ATF2: variants seen among roughly 807,000 people sequenced by gnomAD.
ATF2 encodes the protein activating transcription factor 2, also known as cyclic AMP-dependent transcription factor ATF-2.
Under a neutral mutation model 60.6 loss-of-function variants are expected in ATF2, and 24 were observed. The ratio of observed to expected loss-of-function variants is 0.40; its 90% CI spans 0.29 to 0.56. The LOEUF is 0.56. Ranked by LOEUF, ATF2 falls within the 20% of genes least tolerant of loss-of-function variation. The pLI is 0.54. For synonymous variants in ATF2, 206 were observed against 215.4 expected (o/e 0.96, Z 0.38); for missense variants, 433 against 607.7 (o/e 0.71, Z 3.02).
chr2:175,102,955 ACT>A (rs1210604447), intron 10 of ATF2, among the ~76,000 whole-genome samples: 1 of 151,834 alleles, frequency 6.6e-6, no homozygotes, highest in African/African-American at 2.4e-5. Context: ...TATACTGAAA[ACT>A]CTTTTTCTTA....
chr2:175,139,954 C>T (rs890925715), intron 2 of ATF2, among the ~76,000 whole-genome samples: 2 of 151,946 alleles, frequency 1.3e-5, no homozygotes, highest in Admixed American at 6.6e-5. Context: ...AAGCAAAATG[C>T]CCAAAAAGTT....
At chr2:175,146,301 T>C (rs1353800518) in intron 2 of ATF2, among the ~76,000 whole-genome samples, 1 of 152,146 alleles carries the variant, frequency 6.6e-6, no homozygotes, top group Non-Finnish European at 1.5e-5. Context: ...AACAAATAAT[T>C]GCAACCTGAG....
At chr2:175,081,754 GT>G (rs1693772471) in intron 12 of ATF2, among the ~76,000 whole-genome samples, 2 of 152,190 alleles carry the variant, frequency 1.3e-5, no homozygotes, top group African/African-American at 2.4e-5. Flanking sequence ...AAAGCTGAAT[GT>G]AAAATAATTT....
chr2:175,129,936 T>C (rs1697611373), intron 4 of ATF2, among the ~76,000 whole-genome samples: 1 of 151,990 alleles, frequency 6.6e-6, no homozygotes, highest in South Asian at 2.1e-4. Flanking sequence ...CCCTCCGTAT[T>C]GGATTATACT....
At chr2:175,114,666 C>T (rs1696427647) in intron 8 of ATF2, 24 bp downstream of exon 8, 42 of 1,601,040 alleles carry the variant, frequency 2.6e-5, no homozygotes, top group Non-Finnish European at 3.4e-5. Flanking sequence ...TGTATATGTT[C>T]AATGATTGGC....
intron 13 of ATF2, among the ~76,000 whole-genome samples, chr2:175,075,462 T>G (rs902230551): frequency 6.6e-6 from 1 of 152,128 alleles, no homozygotes; most frequent in African/African-American, 2.4e-5. Flanking sequence ...TAAAAATCCA[T>G]ATAAAACTCT....
chr2:175,163,168 T>TA (rs1403510531), intron 1 of ATF2, among the ~76,000 whole-genome samples: 3 of 26,672 alleles, frequency 1.1e-4, no homozygotes, highest in South Asian at 1.2e-3. Flanking sequence ...AATAAATAAA[T>TA]AAATAAATAA....
At chr2:175,086,108 A>G (rs1470831896) in intron 12 of ATF2, among the ~76,000 whole-genome samples, 1 of 152,200 alleles carries the variant, frequency 6.6e-6, no homozygotes, top group Admixed American at 6.5e-5. Flanking sequence ...AGGTCTGCAC[A>G]ATACAAATTC....
At chr2:175,159,501 A>C (rs972168842) in intron 1 of ATF2, among the ~76,000 whole-genome samples, 2 of 152,158 alleles carry the variant, frequency 1.3e-5, no homozygotes, top group African/African-American at 4.8e-5. Context: ...CTCACAGCAG[A>C]CATGAGAGAG....
chr2:175,152,687 A>G (rs969037367), intron 1 of ATF2, among the ~76,000 whole-genome samples: 1 of 152,210 alleles, frequency 6.6e-6, no homozygotes, highest in Non-Finnish European at 1.5e-5. Context: ...TAAATATTTA[A>G]TATGTTTAAA....
intron 10 of ATF2, among the ~76,000 whole-genome samples, chr2:175,108,349 G>T (rs1411584377): frequency 6.6e-6 from 1 of 151,190 alleles, no homozygotes; most frequent in South Asian, 2.1e-4. Flanking sequence ...CCGGCCAGCC[G>T]CCTCGTCCGG....
intron 12 of ATF2, among the ~76,000 whole-genome samples, chr2:175,090,461 T>C (rs62184462): frequency 0.038 from 5,830 of 152,198 alleles, 131 homozygotes; most frequent in Admixed American, 0.094. Context: ...ATATATATTA[T>C]AGATATTTTC....
rs191280822 is a variant in ATF2 at position 175,160,793 on chromosome 2, C to G, written c.-143+7257G>C. ...GGTGGGGAGCAGCCTGTAATCCCAG[C>G]ACTTTGTGATACTGAGGTGGGAGGA... is the stretch of plus-strand genomic sequence containing the variant. On this transcript the variant is annotated intron_variant, in intron 1 of 13. Transcript: ENST00000264110. 5.3e-4 allele frequency among the ~76,000 whole-genome samples: 81 copies of G among 152,148 alleles called. 1 individual carries two copies. Among genetic ancestry groups the G allele is most frequent in the Non-Finnish European group, 1.0e-3 (69 of 68,008 alleles).
chr2:175,135,831 C>A (rs1051112576), intron 3 of ATF2, among the ~76,000 whole-genome samples: 4 of 152,094 alleles, frequency 2.6e-5, no homozygotes, highest in African/African-American at 9.7e-5. Context: ...TTCTATATAG[C>A]AAATATATTT....
At chr2:175,143,501 T>C (rs1698740220) in intron 2 of ATF2, among the ~76,000 whole-genome samples, 1 of 152,160 alleles carries the variant, frequency 6.6e-6, no homozygotes, top group Admixed American at 6.5e-5. Flanking sequence ...TTCCACAAGA[T>C]GAACTTCTAG....
chr2:175,136,418 G>T lies in ATF2; in HGVS notation c.26C>A (p.Ser9Tyr). The change falls in exon 3 of 14, where the codon TCT becomes TAT. Residue 9 changes from serine to tyrosine, a missense_variant. Physicochemically the swap from Ser to Tyr is moderately radical, Grantham distance 144. This residue lies in a region of ATF2 where 20 missense variants were observed against 16.9 expected (regional missense o/e 1.19). Coordinates refer to ENST00000264110, the MANE Select transcript of ATF2 (RefSeq NM_001880.4). ...CCAAATATTGCACACATACCTGGCA[G>T]AATTCACATGTAACTTGAATTTCAT... MKFKLHVNSARQYKDLWNM... is the reference protein window; with the variant it reads MKFKLHVNYARQYKDLWNM... 1 of 1,610,080 alleles carries T rather than the reference G, an allele frequency of 6.2e-7. No homozygotes were observed. Among genetic ancestry groups the T allele is most frequent in the Non-Finnish European group, 8.5e-7 (1 of 1,178,278 alleles).
chr2:175,092,517 C>T, intron 12 of ATF2: 1 of 343,930 alleles, frequency 2.9e-6, no homozygotes, highest in Non-Finnish European at 5.8e-6. Context: ...ATGAAATGAT[C>T]TGTACTGCCA....
At chr2:175,148,252 G>A (rs1699084242) in intron 2 of ATF2, among the ~76,000 whole-genome samples, 2 of 152,014 alleles carry the variant, frequency 1.3e-5, no homozygotes, top group South Asian at 4.1e-4. Flanking sequence ...TTATCTGATT[G>A]AGTTTCCATT....
intron 10 of ATF2, 94 bp downstream of exon 10, chr2:175,111,474 G>A: frequency 1.8e-6 from 2 of 1,124,258 alleles, no homozygotes; most frequent in Non-Finnish European, 2.6e-6. Context: ...TTATAAAAAT[G>A]TGATCTAAAT....
Sources: allele counts gnomAD v4.1 joint callset (sites outside exome capture counted in the v4.1 genomes callset), GRCh38; gene constraint gnomAD v4.1.1; regional missense constraint gnomAD v4.1.1; transcripts MANE v1.5; gene names NCBI Gene and HGNC (gene_info 2026-07-23, HGNC 2026-07-21).